Variants in GABBR2 observed in about 807,000 individuals in gnomAD.
GABBR2 encodes the protein G-protein coupled receptor 51.
In GABBR2, 23 loss-of-function variants were observed where a neutral mutation model predicts 105.6. The observed-to-expected ratio is 0.22, with a 90% CI of 0.16 to 0.31. The LOEUF (loss-of-function observed/expected upper bound fraction) is 0.31, where lower values mean the gene tolerates loss of function less well. GABBR2 is among the 10% of genes least tolerant of loss of function. The pLI is 1.00. For synonymous variants in GABBR2, 478 were observed against 499.7 expected, an observed-to-expected ratio of 0.96 and a Z score of 0.58; for missense variants, 734 against 1,245.5, an observed-to-expected ratio of 0.59 and a Z score of 6.18.
At chr9:98,569,125 C>T (rs976301753) in intron 2 of GABBR2, among the ~76,000 whole-genome samples, 2 of 152,146 alleles carry the variant, frequency 1.3e-5, no homozygotes, top group African/African-American at 4.8e-5. Flanking sequence ...GGATTACTGG[C>T]CTCTATTCTC....
At chr9:98,403,350 G>A (rs1199988436) in intron 8 of GABBR2, among the ~76,000 whole-genome samples, 1 of 149,810 alleles carries the variant, frequency 6.7e-6, no homozygotes, top group African/African-American at 2.5e-5. Context: ...CTTTATTGAA[G>A]GCCCAGCTGT....
At chr9:98,504,395 T>A (rs1047474924) in intron 3 of GABBR2, among the ~76,000 whole-genome samples, 1 of 152,208 alleles carries the variant, frequency 6.6e-6, no homozygotes, top group Admixed American at 6.5e-5. Flanking sequence ...TCAGCTTCTA[T>A]GGCCAGTAGT....
chr9:98,494,863 C>T (rs1780811325), intron 4 of GABBR2, among the ~76,000 whole-genome samples: 1 of 152,226 alleles, frequency 6.6e-6, no homozygotes, highest in African/African-American at 2.4e-5. Context: ...CTGCTCTGCA[C>T]ACAAAGGTTC....
intron 1 of GABBR2, among the ~76,000 whole-genome samples, chr9:98,685,424 C>G (rs1830608107): frequency 6.6e-6 from 1 of 152,212 alleles, no homozygotes; most frequent in Non-Finnish European, 1.5e-5. Context: ...AATAAACCCC[C>G]CTTCATATAT....
chr9:98,444,878 C>T (rs535092325), intron 7 of GABBR2, among the ~76,000 whole-genome samples: 13,224 of 99,826 alleles, frequency 0.13, 640 homozygotes, highest in South Asian at 0.21. Context: ...TGCGCGCGCG[C>T]GCACACACAC....
At chr9:98,377,608 T>C (rs1831900013) in intron 11 of GABBR2, among the ~76,000 whole-genome samples, 1 of 152,168 alleles carries the variant, frequency 6.6e-6, no homozygotes, top group Non-Finnish European at 1.5e-5. Context: ...TGCCTGGGAA[T>C]GTTATCATAT....
At chr9:98,321,990 T>G (rs1309985059) in intron 13 of GABBR2, among the ~76,000 whole-genome samples, 1 of 152,018 alleles carries the variant, frequency 6.6e-6, no homozygotes, top group Non-Finnish European at 1.5e-5. Context: ...TTCAGCAAGC[T>G]TCTTGAAAAA....
intron 2 of GABBR2, among the ~76,000 whole-genome samples, chr9:98,557,725 C>G (rs539841145): frequency 6.6e-6 from 1 of 152,302 alleles, no homozygotes; most frequent in African/African-American, 2.4e-5. Context: ...CCCTAAGAGA[C>G]ATGCTTTTCC....
chr9:98,579,636 G>A (rs1828972216), intron 1 of GABBR2, among the ~76,000 whole-genome samples: 1 of 152,166 alleles, frequency 6.6e-6, no homozygotes, highest in Non-Finnish European at 1.5e-5. Context: ...TAATTCTCAT[G>A]AAAATCGATA....
intron 3 of GABBR2, among the ~76,000 whole-genome samples, chr9:98,528,088 T>C (rs1203547420): frequency 2.0e-5 from 3 of 152,186 alleles, no homozygotes; most frequent in Non-Finnish European, 2.9e-5. Context: ...GTTACCTGTT[T>C]CTTTTTACTT....
chr9:98,549,622 T>C (rs1235533624), intron 2 of GABBR2, among the ~76,000 whole-genome samples: 2 of 152,214 alleles, frequency 1.3e-5, no homozygotes, highest in Non-Finnish European at 2.9e-5. Flanking sequence ...TGGATAAGAC[T>C]GCCCAGCTCA....
intron 2 of GABBR2, among the ~76,000 whole-genome samples, chr9:98,573,392 C>T (rs1363087493): frequency 6.6e-6 from 1 of 152,138 alleles, no homozygotes; most frequent in Non-Finnish European, 1.5e-5. Flanking sequence ...GAGCAATCCA[C>T]CCACTTCAGC....
At chr9:98,686,287 G>C (rs1588283257) in intron 1 of GABBR2, among the ~76,000 whole-genome samples, 1 of 152,116 alleles carries the variant, frequency 6.6e-6, no homozygotes, top group Non-Finnish European at 1.5e-5. Context: ...CCTGCTCTTG[G>C]GGTATGGCTC....
intron 4 of GABBR2, among the ~76,000 whole-genome samples, chr9:98,492,147 A>T (rs1180709466): frequency 6.6e-6 from 1 of 151,966 alleles, no homozygotes; most frequent in African/African-American, 2.4e-5. Flanking sequence ...TAAGTATGTC[A>T]AAATTTTGGC....
intron 13 of GABBR2, among the ~76,000 whole-genome samples, chr9:98,322,825 C>T (rs958258554): frequency 3.3e-5 from 5 of 152,270 alleles, no homozygotes; most frequent in South Asian, 4.1e-4. Flanking sequence ...AAACATCTTC[C>T]TTCCTGTCTT....
At chr9:98,479,218 A>C (rs1437468522) in intron 5 of GABBR2, among the ~76,000 whole-genome samples, 11 of 152,208 alleles carry the variant, frequency 7.2e-5, no homozygotes. Context: ...CTTGCCAGTA[A>C]ATGGTGGCCC....
chr9:98,486,209 G>A (rs1282458505), intron 4 of GABBR2, among the ~76,000 whole-genome samples: 3 of 152,190 alleles, frequency 2.0e-5, no homozygotes, highest in African/African-American at 7.2e-5. Context: ...GGGTGGGTGT[G>A]GTCCCAGAGC....
chr9:98,412,616 C>T (rs967319424), intron 7 of GABBR2, among the ~76,000 whole-genome samples: 1 of 152,166 alleles, frequency 6.6e-6, no homozygotes, highest in Non-Finnish European at 1.5e-5. Context: ...TCCCTCAGTC[C>T]CTTGCTCCTC....
At chr9:98,430,275 C>T (rs1334448431) in intron 7 of GABBR2, among the ~76,000 whole-genome samples, 1 of 129,506 alleles carries the variant, frequency 7.7e-6, no homozygotes, top group Non-Finnish European at 1.5e-5. Context: ...GGCGACAGAG[C>T]GAGACTCCGT....
Sources: gnomAD v4.1 joint callset for allele counts (sites outside exome capture counted in the v4.1 genomes callset) on GRCh38, gnomAD v4.1.1 for gene constraint, MANE v1.5 for transcripts, NCBI Gene and HGNC (gene_info 2026-07-23, HGNC 2026-07-21) for gene names.